Variants in LHX6 observed in about 807,000 individuals in gnomAD.
LHX6 encodes LIM/homeobox protein Lhx6.
LHX6 carries 15 observed loss-of-function variants against 47.1 expected under a neutral mutation model. The ratio of observed to expected loss-of-function variants is 0.32; its 90% CI spans 0.21 to 0.49. The LOEUF (loss-of-function observed/expected upper bound fraction) is 0.49. LHX6 is among the 20% of genes least tolerant of loss of function. The pLI, the probability that LHX6 is intolerant of heterozygous loss-of-function variation, is 0.99. For synonymous variants in LHX6, 242 were observed against 233.5 expected (o/e 1.04, Z -0.33); for missense variants, 404 against 539.6 (o/e 0.75, Z 2.49).
intron 8 of LHX6, among the ~76,000 whole-genome samples, chr9:122,210,108 TG>T: frequency 6.6e-6 from 1 of 152,216 alleles, no homozygotes; most frequent in South Asian, 2.1e-4. Context: ...TCTGACCTCA[TG>T]GGGTTTCACC....
intron 4 of LHX6, among the ~76,000 whole-genome samples, chr9:122,222,364 TC>T (rs1313135787): frequency 6.6e-5 from 10 of 152,224 alleles, no homozygotes; most frequent in African/African-American, 2.4e-4. Flanking sequence ...AAAATGGTCT[TC>T]ACCAAAAGGT....
rs61326516 is a variant in LHX6 at position 122,221,226 on chromosome 9, GA to G, written c.462-3939del. On this transcript the variant is annotated intron_variant, in intron 4 of 9. Coordinates refer to ENST00000394319, the MANE Select transcript of LHX6 (RefSeq NM_014368.5). ...CCCGTAGGGGAAGAAGCCAGAGGGG[GA>G]AAAAAAACCCAGAACCAGCAATTAA... 13,053 of 984,778 alleles carry G rather than the reference GA, an allele frequency of 0.013. 1,154 individuals are homozygous for G. In the African/African-American group the frequency reaches 0.2, roughly 15 times the overall value. 61.0% of individuals were successfully genotyped at this position (984,778 alleles called of 1,614,324 possible).
chr9:122,205,497 C>T (rs10818647), intron 9 of LHX6, among the ~76,000 whole-genome samples: 37,079 of 152,110 alleles, frequency 0.24, 4,683 homozygotes, highest in Admixed American at 0.31. Context: ...CTGACACAGC[C>T]AGTTCCCTGA....
At chr9:122,224,679 G>A (rs1011144329) in intron 4 of LHX6, among the ~76,000 whole-genome samples, 1 of 151,818 alleles carries the variant, frequency 6.6e-6, no homozygotes, top group African/African-American at 2.4e-5. Flanking sequence ...ATGTAATCCT[G>A]TCCTCACCAC....
In LHX6 at chr9:122,227,455, C is replaced by T; in HGVS notation, c.110G>A (p.Cys37Tyr). ...DQVMAQPGSG[C>Y]KATTRCLEGT... ...TTCAAGACAGCGGGTGGTCGCTTTG[C>T]AGCCGGACCCTGGCTGGGCCATCAC... is the stretch of plus-strand genomic sequence containing the variant. The change falls in exon 2 of 10, where the codon TGC (cysteine) becomes TAC (tyrosine). Residue 37 changes from cysteine (C) to tyrosine (Y), a missense_variant. By Grantham distance (194) the Cys-to-Tyr change is radical. This residue lies in a region of LHX6 where 144 missense variants were observed against 128.7 expected (regional missense o/e 1.12). Transcript: ENST00000394319. 1 of 1,527,372 alleles carries T rather than the reference C, an allele frequency of 6.5e-7. No individual in the cohort carries two copies. 94.6% of individuals were successfully genotyped at this position (1,527,372 alleles called of 1,614,324 possible).
At chr9:122,224,705 A>G (rs1483481451) in intron 4 of LHX6, among the ~76,000 whole-genome samples, 1 of 151,962 alleles carries the variant, frequency 6.6e-6, no homozygotes, top group Admixed American at 6.5e-5. Flanking sequence ...GTGCACGTGC[A>G]CGCACACACA....
At chr9:122,205,149 A>G (rs1830124811) in intron 9 of LHX6, among the ~76,000 whole-genome samples, 1 of 152,200 alleles carries the variant, frequency 6.6e-6, no homozygotes, top group Admixed American at 6.5e-5. Context: ...CAAGGAGGGC[A>G]CTCAGGCTCA....
chr9:122,215,244 CAT>C (rs1830552436), intron 5 of LHX6, among the ~76,000 whole-genome samples: 1 of 152,116 alleles, frequency 6.6e-6, no homozygotes, highest in South Asian at 2.1e-4. Flanking sequence ...AAAAAGCAAA[CAT>C]TGTAACATAC....
intron 1 of LHX6, 76 bp from the exon 2 acceptor site, chr9:122,227,556 C>T (rs1831165791): frequency 6.9e-7 from 1 of 1,445,928 alleles, no homozygotes. Flanking sequence ...CCAGCGCCTC[C>T]CCGCGCCTGT....
intron 9 of LHX6, among the ~76,000 whole-genome samples, chr9:122,208,595 G>T (rs1830275581): frequency 6.6e-6 from 1 of 152,202 alleles, no homozygotes; most frequent in Non-Finnish European, 1.5e-5. Flanking sequence ...ACTTTGGGAG[G>T]CTGAGGCGGG....
intron 1 of LHX6, chr9:122,227,877 C>A: frequency 2.8e-6 from 1 of 350,980 alleles, no homozygotes; most frequent in South Asian, 4.0e-5. Context: ...TCAGTGAGAT[C>A]CATCAGGCCG....
intron 2 of LHX6, 154 bp downstream of exon 2, chr9:122,227,255 T>C: frequency 1.1e-6 from 1 of 885,874 alleles, no homozygotes; most frequent in Non-Finnish European, 1.6e-6. Flanking sequence ...AAAGCCAACA[T>C]TCCCTGCCGG....
intron 4 of LHX6, among the ~76,000 whole-genome samples, chr9:122,222,731 A>C (rs960221891): frequency 4.6e-5 from 7 of 152,188 alleles, no homozygotes; most frequent in African/African-American, 1.7e-4. Context: ...GAGGGTCTAT[A>C]AGATGATGTC....
intron 1 of LHX6, chr9:122,228,104 ACCCGCCCG>A: frequency 1.9e-6 from 1 of 532,674 alleles, no homozygotes; most frequent in Non-Finnish European, 3.3e-6. Flanking sequence ...CGCGGTGAGC[ACCCGCCCG>A]CCCGCCCGCC....
Position 122,226,822 on chromosome 9 carries a change from G to A in LHX6, c.339+26C>T. 2 of 1,552,182 alleles carry A rather than the reference G, an allele frequency of 1.3e-6. No homozygotes were observed. The highest frequency in any genetic ancestry group is 2.4e-5 in the South Asian group (2 of 84,096). ...GCTGCGTCCCACGCCCCGACAACACGCACGCAACACCTACCCCTGTCTCAC... is the reference window on the plus strand; with the variant it reads ...GCTGCGTCCCACGCCCCGACAACACACACGCAACACCTACCCCTGTCTCAC... On this transcript the variant is annotated intron_variant, in intron 3 of 9. Transcript: ENST00000394319. The surrounding 1 kb of genome is among the most constrained non-coding windows in gnomAD (Gnocchi z 6.5).
At position 122,226,659 on chromosome 9, in the gene LHX6, T is replaced by A. The variant is rs1338422378; in HGVS notation, c.340-162A>T. On this transcript the variant is annotated intron_variant, in intron 3 of 9. Transcript: ENST00000394319. The surrounding 1 kb of genome is among the most constrained non-coding windows in gnomAD (Gnocchi z 6.5). ...ATACTGAGACTCAGGGAAATGGAAA[T>A]AAACTCTTCTTATTTTTCAGACGGA... 3.1e-6 allele frequency: 4 copies of A among 1,270,416 alleles called. No homozygotes were observed. Among genetic ancestry groups the A allele is most frequent in the Non-Finnish European group, 4.3e-6 (4 of 934,580 alleles). 78.7% of individuals were successfully genotyped at this position (1,270,416 alleles called of 1,614,324 possible).
chr9:122,221,353 G>A lies in LHX6; in HGVS notation c.462-4065C>T, dbSNP rs1052299307. 9 of 985,496 alleles carry A rather than the reference G, an allele frequency of 9.1e-6. No individual in the cohort carries two copies. In the South Asian group the frequency reaches 3.3e-4, roughly 36 times the overall value. 61.0% of individuals were successfully genotyped at this position (985,496 alleles called of 1,614,324 possible). The stretch of plus-strand genomic sequence containing the variant: ...ATCTGTCCCCCAACAGCTGGCCGCC[G>A]CTGGGCCGCTCTCTGCCGCGGTGGG... On this transcript the variant is annotated intron_variant, in intron 4 of 9. Transcript: ENST00000394319.
chr9:122,223,880 G>GT (rs1327081989), intron 4 of LHX6, among the ~76,000 whole-genome samples: 1 of 152,162 alleles, frequency 6.6e-6, no homozygotes, highest in Non-Finnish European at 1.5e-5. Context: ...CTATTGTTAG[G>GT]AGAGCCAGGA....
chr9:122,212,733 CCTGCCACGGACAT>C (rs540062851), intron 8 of LHX6, among the ~76,000 whole-genome samples: 95 of 152,286 alleles, frequency 6.2e-4, no homozygotes, highest in Non-Finnish European at 9.3e-4. Context: ...CACAGTACTC[CCTGCCACGGACAT>C]GCCTGCTCCC....
Sources: gnomAD v4.1 joint callset for allele counts (sites outside exome capture counted in the v4.1 genomes callset) on GRCh38, gnomAD v4.1.1 for gene constraint, gnomAD v4.1.1 regional missense constraint, Gnocchi (gnomAD v3.1) non-coding constraint, MANE v1.5 for transcripts, NCBI Gene and HGNC (gene_info 2026-07-23, HGNC 2026-07-21) for gene names.